Variants in PARD3B observed in about 807,000 individuals in gnomAD.
PARD3B encodes the protein par-3 family cell polarity regulator beta, also known as partitioning defective 3 homolog B.
In PARD3B, 103 loss-of-function variants were observed where a neutral mutation model predicts 130.2. The observed-to-expected ratio is 0.79, with a 90% CI of 0.67 to 0.93. PARD3B has a LOEUF of 0.93. PARD3B is among the 40% of genes least tolerant of loss of function. The pLI is 0.00. For missense variants in PARD3B, 1,609 were observed against 1,499.2 expected (o/e 1.07, Z -1.21); for synonymous variants, 583 against 553.2 (o/e 1.05, Z -0.76).
chr2:205,322,692 T>C (rs971835326), intron 18 of PARD3B, among the ~76,000 whole-genome samples: 1 of 151,972 alleles, frequency 6.6e-6, no homozygotes, highest in Non-Finnish European at 1.5e-5. Context: ...TTCTACAGAA[T>C]CCTTTTCTTC....
intron 22 of PARD3B, among the ~76,000 whole-genome samples, chr2:205,577,484 G>A (rs2053802808): frequency 6.6e-6 from 1 of 152,064 alleles, no homozygotes; most frequent in Non-Finnish European, 1.5e-5. Flanking sequence ...ATAATTCAGA[G>A]GATTTGATGC....
rs1321799012 is a variant in PARD3B at position 204,907,985 on chromosome 2, A to AG, written c.223-57166dup. Among the ~76,000 whole-genome samples the AG allele has an allele frequency of 6.6e-6, 1 of 152,154 alleles. No homozygotes were observed. Among genetic ancestry groups the AG allele is most frequent in the Non-Finnish European group, 1.5e-5 (1 of 68,012 alleles). On this transcript the variant is annotated intron_variant, in intron 2 of 22. Transcript: ENST00000406610. This position sits in a 1 kb window ranked among gnomAD's most constrained non-coding sequence, Gnocchi z 5.7. ...CCAAAGTGCTGGAATTGCGGGCATG[A>AG]GCCACCGCACCCAGCCTAAAGAGTG...
chr2:205,345,330 C>T (rs773295453), intron 18 of PARD3B, among the ~76,000 whole-genome samples: 25 of 152,216 alleles, frequency 1.6e-4, no homozygotes, highest in Admixed American at 3.9e-4. Flanking sequence ...GACCTCTTTG[C>T]TCAGATTCTT....
At chr2:205,411,911 G>A (rs1261607566) in intron 19 of PARD3B, among the ~76,000 whole-genome samples, 4 of 152,134 alleles carry the variant, frequency 2.6e-5, no homozygotes, top group Non-Finnish European at 5.9e-5. Context: ...CAAATGGTGT[G>A]GGTGACTGCC....
chr2:204,938,069 AG>A (rs1156229072), intron 2 of PARD3B, among the ~76,000 whole-genome samples: 1 of 152,220 alleles, frequency 6.6e-6, no homozygotes, highest in Non-Finnish European at 1.5e-5. Flanking sequence ...CATCTGCCAG[AG>A]GGAGATGAAA....
intron 18 of PARD3B, among the ~76,000 whole-genome samples, chr2:205,342,076 G>T (rs1427715406): frequency 2.0e-5 from 3 of 152,058 alleles, no homozygotes; most frequent in Non-Finnish European, 4.4e-5. Context: ...ACTGTCTGTT[G>T]TATCCTCAGC....
At chr2:205,445,207 T>C (rs920338173) in intron 20 of PARD3B, among the ~76,000 whole-genome samples, 1 of 152,172 alleles carries the variant, frequency 6.6e-6, no homozygotes, top group African/African-American at 2.4e-5. Context: ...ATCAGGACTT[T>C]ATCCTAGATC....
intron 20 of PARD3B, among the ~76,000 whole-genome samples, chr2:205,448,114 C>T (rs887813702): frequency 7.9e-5 from 12 of 152,186 alleles, no homozygotes; most frequent in South Asian, 2.1e-4. Flanking sequence ...ATCATTTCTT[C>T]GGCATAAACT....
intron 2 of PARD3B, among the ~76,000 whole-genome samples, chr2:204,841,394 A>ATGCAG: frequency 2.0e-5 from 3 of 152,186 alleles, no homozygotes; most frequent in African/African-American, 7.2e-5. Context: ...GAACAAGGCA[A>ATGCAG]AAAATTCCTG....
At chr2:204,760,062 G>C (rs928331428) in intron 2 of PARD3B, among the ~76,000 whole-genome samples, 6 of 152,046 alleles carry the variant, frequency 3.9e-5, no homozygotes, top group African/African-American at 1.2e-4. Context: ...TCTGAAAACA[G>C]AACCCATGCT....
chr2:205,027,232 C>T (rs1697100374), intron 3 of PARD3B, among the ~76,000 whole-genome samples: 2 of 152,190 alleles, frequency 1.3e-5, no homozygotes, highest in Middle Eastern at 6.8e-3. Flanking sequence ...GCTGCTATCT[C>T]ATCTTTCTGA....
At chr2:205,324,717 C>T (rs1438859996) in intron 18 of PARD3B, among the ~76,000 whole-genome samples, 1 of 151,962 alleles carries the variant, frequency 6.6e-6, no homozygotes, top group Non-Finnish European at 1.5e-5. Context: ...GTTGTCATTC[C>T]CTATACCTCT....
At chr2:205,304,664 A>G (rs1574649694) in intron 18 of PARD3B, among the ~76,000 whole-genome samples, 1 of 151,482 alleles carries the variant, frequency 6.6e-6, no homozygotes, top group East Asian at 2.0e-4. Flanking sequence ...AGCTAGGCAT[A>G]GTGGCTCAGG....
At chr2:204,605,188 CAAGT>C (rs2033665604) in intron 1 of PARD3B, among the ~76,000 whole-genome samples, 1 of 152,008 alleles carries the variant, frequency 6.6e-6, no homozygotes, top group African/African-American at 2.4e-5. Flanking sequence ...ATCTGTTGAT[CAAGT>C]AAGTCCGAAA....
At position 205,158,714 on chromosome 2, in the gene PARD3B, C is replaced by G. The variant is rs200426072; in HGVS notation, c.1435-8C>G. The G allele has an allele frequency of 1.2e-6, 2 of 1,606,256 alleles. No individual in the cohort carries two copies. The highest frequency in any genetic ancestry group is 1.7e-6 in the Non-Finnish European group (2 of 1,176,016). ...TCTTCACTCTTTTCATGTGTATTCC[C>G]CTAACAGAAAGGAGAACCTGACTGC... On this transcript the variant is annotated splice_polypyrimidine_tract_variant and splice_region_variant and intron_variant, in intron 10 of 22. Transcript: ENST00000406610. The surrounding 1 kb of genome is among the most constrained non-coding windows in gnomAD (Gnocchi z 5.4).
chr2:205,440,608 G>C lies in PARD3B; in HGVS notation c.2980G>C (p.Asp994His). The change falls in exon 20 of 23, where the codon GAC becomes CAC. Residue 994 changes from aspartate to histidine, a missense_variant. Asp to His is a moderately conservative substitution (Grantham distance 81). Coordinates refer to ENST00000406610, the MANE Select transcript of PARD3B (RefSeq NM_001302769.2). This position sits in a 1 kb window ranked among gnomAD's most constrained non-coding sequence, Gnocchi z 4.2. The stretch of plus-strand genomic sequence containing the variant: ...TGGCCATCCACTGTCTCCAGAAAGA[G>C]ACCACTTAGAGGGTCTCTATGCCAA... ...RDGHPLSPER[D>H]HLEGLYAKVN... The C allele has an allele frequency of 1.2e-6, 2 of 1,614,020 alleles. No individual in the cohort carries two copies. Among genetic ancestry groups the C allele is most frequent in the Non-Finnish European group, 1.7e-6 (2 of 1,179,964 alleles).
chr2:205,132,356 A>G (rs775049280), intron 10 of PARD3B, among the ~76,000 whole-genome samples: 3 of 152,138 alleles, frequency 2.0e-5, no homozygotes, highest in Non-Finnish European at 2.9e-5. Flanking sequence ...TTATTATCCT[A>G]GAGTTTTATG....
At chr2:205,072,519 A>G (rs763177676) in intron 4 of PARD3B, among the ~76,000 whole-genome samples, 14 of 152,114 alleles carry the variant, frequency 9.2e-5, no homozygotes, top group African/African-American at 3.4e-4. Context: ...CCCAAAGCGC[A>G]GGGATTACAG....
chr2:205,477,442 T>C (rs2049063592), intron 20 of PARD3B, among the ~76,000 whole-genome samples: 1 of 152,174 alleles, frequency 6.6e-6, no homozygotes. Context: ...TGATGTTCAG[T>C]TGCCCTGAAG....
Sources: allele counts gnomAD v4.1 joint callset (sites outside exome capture counted in the v4.1 genomes callset), GRCh38; gene constraint gnomAD v4.1.1; non-coding constraint Gnocchi (gnomAD v3.1); transcripts MANE v1.5; gene names NCBI Gene and HGNC (gene_info 2026-07-23, HGNC 2026-07-21).